Variants in EPB41L1 observed in about 807,000 individuals in gnomAD.
EPB41L1 encodes the protein erythrocyte membrane protein band 4.1 like 1.
In EPB41L1, 29 loss-of-function variants were observed where a neutral mutation model predicts 97.8. That is an observed-to-expected ratio of 0.30 (90% CI 0.22 to 0.40). The LOEUF (loss-of-function observed/expected upper bound fraction) is 0.40, where lower values mean the gene tolerates loss of function less well. Ranked by LOEUF, EPB41L1 falls within the 10% of genes least tolerant of loss-of-function variation. The pLI, the probability that EPB41L1 is intolerant of heterozygous loss-of-function variation, is 1.00. For synonymous variants in EPB41L1, 383 were observed against 459.2 expected, an observed-to-expected ratio of 0.83 and a Z score of 2.12; for missense variants, 812 against 1,162.3, an observed-to-expected ratio of 0.70 and a Z score of 4.38.
chr20:36,140,574 C>G (rs1261476304), intron 2 of EPB41L1, among the ~76,000 whole-genome samples: 3 of 152,068 alleles, frequency 2.0e-5, no homozygotes, highest in Non-Finnish European at 4.4e-5. Context: ...TTTATTATTG[C>G]TATTTTGAAT....
intron 2 of EPB41L1, among the ~76,000 whole-genome samples, chr20:36,137,008 A>G (rs2059442380): frequency 6.6e-6 from 1 of 151,466 alleles, no homozygotes; most frequent in African/African-American, 2.4e-5. Flanking sequence ...CCTCCCAAGT[A>G]GCTGGGACTA....
In EPB41L1 at chr20:36,229,426, C is replaced by A; in HGVS notation, c.*86C>A. The A allele has an allele frequency of 7.3e-7, 1 of 1,367,148 alleles. No individual in the cohort carries two copies. Among genetic ancestry groups the A allele is most frequent in the Non-Finnish European group, 1.0e-6 (1 of 955,726 alleles). The allele number at this position is 1,367,148 out of a possible 1,614,324, so 84.7% of individuals were successfully genotyped here. On this transcript the variant is annotated 3_prime_UTR_variant, in exon 22 of 22. Coordinates refer to ENST00000338074, the MANE Select transcript of EPB41L1 (RefSeq NM_012156.2). ...GGCCTTCATTCTGGATTCTCCGACG[C>A]AACACTGACGTCCCAGCTGCGACGT...
intron 1 of EPB41L1, among the ~76,000 whole-genome samples, chr20:36,173,387 G>T (rs773487106): frequency 1.3e-5 from 2 of 152,222 alleles, no homozygotes; most frequent in Admixed American, 6.5e-5. Context: ...TCTACCAAGC[G>T]CCAGGTGAGG....
At chr20:36,120,768 G>T (rs1402341656) in intron 2 of EPB41L1, among the ~76,000 whole-genome samples, 1 of 152,044 alleles carries the variant, frequency 6.6e-6, no homozygotes. Context: ...ACTGTCCTAT[G>T]TACTGGGATA....
At chr20:36,125,944 G>C (rs1489625651) in intron 2 of EPB41L1, among the ~76,000 whole-genome samples, 1 of 151,912 alleles carries the variant, frequency 6.6e-6, no homozygotes, top group African/African-American at 2.4e-5. Flanking sequence ...GGACAGTGTG[G>C]GGCCGATGGG....
At chr20:36,100,312 T>C (rs537451499) in intron 1 of EPB41L1, among the ~76,000 whole-genome samples, 68 of 152,282 alleles carry the variant, frequency 4.5e-4, no homozygotes, top group African/African-American at 1.6e-3. Flanking sequence ...CTCCCTTCTG[T>C]CTGCTTTCTC....
At chr20:36,198,219 A>G (rs2062310916) in intron 14 of EPB41L1, among the ~76,000 whole-genome samples, 178 bp downstream of exon 14, 1 of 152,166 alleles carries the variant, frequency 6.6e-6, no homozygotes, top group Non-Finnish European at 1.5e-5. Flanking sequence ...TAAATCTTGG[A>G]ATCCTGGGTC....
intron 2 of EPB41L1, among the ~76,000 whole-genome samples, chr20:36,149,559 C>T (rs981704614): frequency 6.6e-6 from 1 of 152,232 alleles, no homozygotes; most frequent in African/African-American, 2.4e-5. Context: ...GCCACCTGTC[C>T]ACCCTGCCTA....
At chr20:36,127,768 C>T (rs959197313) in intron 2 of EPB41L1, among the ~76,000 whole-genome samples, 6 of 152,044 alleles carry the variant, frequency 3.9e-5, no homozygotes, top group Non-Finnish European at 8.8e-5. Flanking sequence ...CTCTGACCTT[C>T]CATGGCCCTC....
chr20:36,159,816 G>T (rs1176706433), intron 1 of EPB41L1, among the ~76,000 whole-genome samples: 2 of 152,224 alleles, frequency 1.3e-5, no homozygotes, highest in East Asian at 3.8e-4. Context: ...ATAGAACAGG[G>T]TTTAAGTCTT....
intron 2 of EPB41L1, 23 bp downstream of exon 2, chr20:36,173,977 G>C (rs370818122): frequency 5.6e-6 from 9 of 1,601,188 alleles, no homozygotes; most frequent in Middle Eastern, 1.7e-4. Context: ...GAGCATGGGC[G>C]TACCTTTCCT....
At chr20:36,167,341 C>T (rs1032267194) in intron 1 of EPB41L1, among the ~76,000 whole-genome samples, 7 of 152,056 alleles carry the variant, frequency 4.6e-5, no homozygotes, top group Non-Finnish European at 1.0e-4. Flanking sequence ...TGGGCAACAG[C>T]CATATACAGA....
intron 1 of EPB41L1, among the ~76,000 whole-genome samples, chr20:36,159,731 A>G (rs2060454781): frequency 6.6e-6 from 1 of 152,230 alleles, no homozygotes; most frequent in Non-Finnish European, 1.5e-5. Flanking sequence ...TACTTGCCAC[A>G]TTCTTCTCAC....
At chr20:36,113,408 T>TTGTGTGTGTG (rs3057822) in intron 2 of EPB41L1, among the ~76,000 whole-genome samples, 13 of 143,564 alleles carry the variant, frequency 9.1e-5, no homozygotes, top group South Asian at 2.3e-4. Flanking sequence ...AACTTTCCAT[T>TTGTGTGTGTG]TGTGTGTGTG....
chr20:36,109,253 A>C (rs1329242911), intron 1 of EPB41L1, among the ~76,000 whole-genome samples: 1 of 152,100 alleles, frequency 6.6e-6, no homozygotes, highest in African/African-American at 2.4e-5. Flanking sequence ...GGCCGAGTTC[A>C]GGGCTTCTGA....
chr20:36,120,167 GT>G (rs1384722085), intron 2 of EPB41L1, among the ~76,000 whole-genome samples: 1 of 152,200 alleles, frequency 6.6e-6, no homozygotes, highest in Non-Finnish European at 1.5e-5. Flanking sequence ...GCCAGGCGTG[GT>G]TATAAGTGAT....
rs1336134937 is a variant in EPB41L1 at position 36,188,367 on chromosome 20, C to T, written c.894C>T (p.Ile298=). Reference sequence around the variant, plus strand: ...TGCAGGACTCTGAGGGCATCGACATCATGTTAGGCGTTTGTGCCAATGGCC... The same window carrying T: ...TGCAGGACTCTGAGGGCATCGACATTATGTTAGGCGTTTGTGCCAATGGCC... The part of the protein sequence containing the change: ...HHAKDSEGID[I]MLGVCANGLL... The change falls in exon 9 of 22, where the codon ATC becomes ATT. Residue 298 remains isoleucine (I), a synonymous_variant. Transcript: ENST00000338074. 9 of 1,613,814 alleles carry T rather than the reference C, an allele frequency of 5.6e-6. No individual in the cohort carries two copies. Among genetic ancestry groups the T allele is most frequent in the Non-Finnish European group, 6.8e-6 (8 of 1,180,014 alleles).
At chr20:36,201,541 G>A (rs927918774) in intron 14 of EPB41L1, among the ~76,000 whole-genome samples, 2 of 152,178 alleles carry the variant, frequency 1.3e-5, no homozygotes, top group Non-Finnish European at 2.9e-5. Flanking sequence ...AGGCATCTCC[G>A]GCCTGCGTCT....
intron 7 of EPB41L1, among the ~76,000 whole-genome samples, chr20:36,186,353 A>G (rs148891839): frequency 2.9e-4 from 44 of 152,180 alleles, no homozygotes; most frequent in African/African-American, 1.0e-3. Flanking sequence ...GGAAAGGAGT[A>G]TGGTGATATT....
Sources: gnomAD v4.1 joint callset for allele counts (sites outside exome capture counted in the v4.1 genomes callset) on GRCh38, gnomAD v4.1.1 for gene constraint, MANE v1.5 for transcripts, NCBI Gene and HGNC (gene_info 2026-07-23, HGNC 2026-07-21) for gene names.